ZNF883: variants seen among roughly 807,000 people sequenced by gnomAD.
The protein encoded by ZNF883 is zinc finger protein 883.
At chr9:113,011,845 G>C (rs1469445384) in intron 1 of ZNF883, among the ~76,000 whole-genome samples, 1 of 152,014 alleles carries the variant, frequency 6.6e-6, no homozygotes, top group Non-Finnish European at 1.5e-5. Context: ...CAAAAGCTCT[G>C]AGCTCTGTTC....
chr9:112,992,351 G>T (rs1462027354), downstream of ZNF883, among the ~76,000 whole-genome samples: 1 of 152,262 alleles, frequency 6.6e-6, no homozygotes, highest in East Asian at 1.9e-4. Flanking sequence ...AGCTTAGTTT[G>T]GTTGTATGTA....
intron 2 of ZNF883, among the ~76,000 whole-genome samples, chr9:113,009,596 A>G (rs538096455): frequency 1.3e-5 from 2 of 149,248 alleles, no homozygotes; most frequent in Admixed American, 6.7e-5. Context: ...TGCAATCTCC[A>G]CCTCCCAGGT....
exon 1 of ZNF883, chr9:112,997,515 T>G: frequency 6.2e-7 from 1 of 1,614,170 alleles, no homozygotes; most frequent in Middle Eastern, 1.6e-4. Flanking sequence ...AGATGTGCAC[T>G]CCGATTGAAG....
chr9:112,997,205 G>C (rs772409412), exon 1 of ZNF883: 1 of 1,613,908 alleles, frequency 6.2e-7, no homozygotes, highest in Non-Finnish European at 8.5e-7. Context: ...ACCACACTTA[G>C]TACATTGATA....
upstream of ZNF883, among the ~76,000 whole-genome samples, chr9:113,001,003 A>G (rs1210450999): frequency 1.3e-5 from 2 of 152,146 alleles, no homozygotes; most frequent in Admixed American, 1.3e-4. Context: ...ATTAGAATGG[A>G]AAAGAATCTG....
downstream of ZNF883, chr9:112,997,054 G>A: frequency 7.0e-7 from 1 of 1,435,668 alleles, no homozygotes; most frequent in Non-Finnish European, 9.2e-7. Flanking sequence ...TCCTAGGGTT[G>A]CTTGAACTGT....
chr9:113,008,767 T>C (rs1462037273), intron 2 of ZNF883, among the ~76,000 whole-genome samples: 1 of 151,224 alleles, frequency 6.6e-6, no homozygotes, highest in Non-Finnish European at 1.5e-5. Flanking sequence ...GGTAGAGGAG[T>C]TGGCCATAAA....
chr9:112,993,029 C>A (rs1265524172), downstream of ZNF883, among the ~76,000 whole-genome samples: 1 of 152,132 alleles, frequency 6.6e-6, no homozygotes, highest in Non-Finnish European at 1.5e-5. Flanking sequence ...TTTAGCTCAG[C>A]AATGTTTGTT....
upstream of ZNF883, chr9:112,998,481 A>AG (rs749253802): frequency 1.7e-4 from 62 of 361,822 alleles, no homozygotes; most frequent in Non-Finnish European, 2.7e-4. Flanking sequence ...TAGTTACAGT[A>AG]GTCCTGCCTT....
chr9:112,993,555 A>C (rs1274188250), downstream of ZNF883, among the ~76,000 whole-genome samples: 1 of 152,214 alleles, frequency 6.6e-6, no homozygotes, highest in Admixed American at 6.5e-5. Context: ...CCACCTAACA[A>C]ATCACTCTAG....
downstream of ZNF883, among the ~76,000 whole-genome samples, chr9:112,994,558 A>G (rs1371322325): frequency 2.0e-5 from 3 of 152,086 alleles, no homozygotes; most frequent in African/African-American, 7.2e-5. Context: ...AATTAAATAC[A>G]AACTGGCATC....
At chr9:112,990,579 T>C (rs1828293235) in intron 1 of ZNF883, among the ~76,000 whole-genome samples, 1 of 152,228 alleles carries the variant, frequency 6.6e-6, no homozygotes, top group Non-Finnish European at 1.5e-5. Flanking sequence ...AGTTTTCTTT[T>C]TTTGTTGTAT....
At chr9:113,002,478 C>G (rs1828435387), upstream of ZNF883, among the ~76,000 whole-genome samples, 1 of 152,042 alleles carries the variant, frequency 6.6e-6, no homozygotes, top group African/African-American at 2.4e-5. Flanking sequence ...ATGTACCAAC[C>G]TTGGCTAACT....
chr9:112,997,763 G>A (rs755101295), exon 1 of ZNF883: 3 of 1,613,886 alleles, frequency 1.9e-6, no homozygotes, highest in Non-Finnish European at 2.5e-6. Context: ...AATTAGGTGT[G>A]TGCTGCGGCT....
chr9:113,004,449 G>A (rs1243633142), intron 2 of ZNF883, among the ~76,000 whole-genome samples: 2 of 152,062 alleles, frequency 1.3e-5, no homozygotes, highest in Admixed American at 6.5e-5. Context: ...TAACCCCTGA[G>A]GTAATAGTAT....
chr9:112,997,127 G>C lies in ZNF883; in HGVS notation n.1133C>G, dbSNP rs368552878. On this transcript the variant is annotated non_coding_transcript_exon_variant, in exon 1 of 1. Coordinates refer to ENST00000639662, the Ensembl canonical transcript of ZNF883. ...CAGGCTTTCCCACACTCATTACTCT[G>C]CTAAGGTTTCCTTTCTGAAATGAGT... is the stretch of plus-strand genomic sequence containing the variant. The C allele has an allele frequency of 8.1e-6, 13 of 1,597,342 alleles. No homozygotes were observed. The African/African-American group carries it at 1.5e-4, about 18-fold the overall frequency.
chr9:113,006,037 A>G (rs950791186), intron 2 of ZNF883, among the ~76,000 whole-genome samples: 9 of 152,108 alleles, frequency 5.9e-5, no homozygotes, highest in African/African-American at 2.2e-4. Context: ...AGATCCTGCC[A>G]ATAAGAGGCA....
At chr9:112,998,652 G>C (rs550621289), upstream of ZNF883, 1 of 155,116 alleles carries the variant, frequency 6.4e-6, no homozygotes, top group African/African-American at 2.4e-5. Context: ...TCCTGCCTGG[G>C]CTGTGAATCA....
intron 1 of ZNF883, among the ~76,000 whole-genome samples, chr9:113,011,604 T>C (rs1828540041): frequency 6.6e-6 from 1 of 152,052 alleles, no homozygotes; most frequent in African/African-American, 2.4e-5. Context: ...CACAGTTCTT[T>C]ATAGAAGAGA....
Sources: allele counts gnomAD v4.1 joint callset (sites outside exome capture counted in the v4.1 genomes callset), GRCh38; gene constraint gnomAD v4.1.1; transcripts MANE v1.5; gene names NCBI Gene and HGNC (gene_info 2026-07-23, HGNC 2026-07-21).